ZFP37: variants seen among roughly 807,000 people sequenced by gnomAD.
The protein encoded by ZFP37 is zinc finger protein 37 homolog.
In ZFP37, 38 loss-of-function variants were observed where a neutral mutation model predicts 52.1. That is an observed-to-expected ratio of 0.73 (90% CI 0.56 to 0.96). The LOEUF is 0.96. ZFP37 is among the 40% of genes least tolerant of loss of function. The pLI is 0.00. For missense variants in ZFP37, 695 were observed against 741.4 expected (o/e 0.94, Z 0.73); for synonymous variants, 253 against 259.5 (o/e 0.98, Z 0.24).
chr9:113,049,715 G>A, intron 2 of ZFP37, 76 bp downstream of exon 2: 2 of 1,561,148 alleles, frequency 1.3e-6, no homozygotes, highest in Non-Finnish European at 1.7e-6. Flanking sequence ...CAAAAATGAA[G>A]GCCAAACTTA....
In ZFP37 at chr9:113,042,916, T is replaced by C. The variant is rs771798790; in HGVS notation, c.1702A>G (p.Thr568Ala). The C allele has an allele frequency of 6.2e-7, 1 of 1,613,950 alleles. No individual in the cohort carries two copies. Among genetic ancestry groups the C allele is most frequent in the Non-Finnish European group, 8.5e-7 (1 of 1,179,936 alleles). The change falls in exon 4 of 4, where the codon ACT becomes GCT. Residue 568 changes from threonine (T) to alanine (A), a missense_variant. This residue lies in a region of ZFP37 where 326 missense variants were observed against 400.5 expected (regional missense o/e 0.81). Coordinates refer to ENST00000374227, the MANE Select transcript of ZFP37 (RefSeq NM_003408.3). ...TTACATTCATAAGGTTTCTCCCCAG[T>C]ATGAGTTCTCTGATGTACAATGAGG... ...SHLIVHQRTHTGEKPYECNEC... is the reference protein window; with the variant it reads ...SHLIVHQRTHAGEKPYECNEC...
rs768837210 is a variant in ZFP37 at position 113,049,420 on chromosome 9, T to C, written c.291A>G (p.Arg97=). ...TTTTACTTGGACAACCTTGACTGGG[T>C]CTTTTCCCCTTCCCCAACCATGGTG... The part of the protein sequence containing the change: ...GEAPWLGKGK[R]PSQGCPSKIA... Residue 97 remains arginine, a synonymous_variant, in exon 3 of 4, where the codon AGA becomes AGG. Transcript: ENST00000374227. 12 of 1,614,048 alleles carry C rather than the reference T, an allele frequency of 7.4e-6. No homozygotes were observed. Among genetic ancestry groups the C allele is most frequent in the Admixed American group, 1.7e-5 (1 of 59,996 alleles).
chr9:113,053,740 CAT>C (rs1318386074), intron 1 of ZFP37, among the ~76,000 whole-genome samples: 2 of 152,194 alleles, frequency 1.3e-5, no homozygotes, highest in African/African-American at 2.4e-5. Flanking sequence ...TTTCCAAACT[CAT>C]ATACAATATA....
chr9:113,051,764 T>A (rs1489868668), intron 1 of ZFP37, among the ~76,000 whole-genome samples: 1 of 152,126 alleles, frequency 6.6e-6, no homozygotes, highest in Non-Finnish European at 1.5e-5. Flanking sequence ...CAGACCACCA[T>A]TCAATTACCT....
rs1828880075 is a variant in ZFP37, at chr9:113,043,106, A to G, written c.1512T>C (p.Leu504=). 1 of 1,613,622 alleles carries G rather than the reference A, an allele frequency of 6.2e-7. No homozygotes were observed. Among genetic ancestry groups the G allele is most frequent in the Non-Finnish European group, 8.5e-7 (1 of 1,179,968 alleles). The change falls in exon 4 of 4, where the codon CTT becomes CTC. Residue 504 remains leucine, a synonymous_variant. Transcript: ENST00000374227. ...CGKAFGHSSS[L]TYHMRTHTGE... ...CTGTATGAGTTCTCATATGGTAAGT[A>G]AGAGATGAGCTATGTCCAAAGGCTT...
chr9:113,043,735 A>G lies in ZFP37; in HGVS notation c.883T>C (p.Cys295Arg). The G allele has an allele frequency of 6.2e-7, 1 of 1,613,988 alleles. No individual in the cohort carries two copies. The highest frequency in any genetic ancestry group is 8.5e-7 in the Non-Finnish European group (1 of 1,179,960). The part of the protein sequence containing the change: ...KPQACVKPYE[C>R]NQCGKVLSHK... ...CTGAGAACCTTTCCACATTGATTAC[A>G]TTCATAGGGTTTCACACAAGCTTGA... is the stretch of plus-strand genomic sequence containing the variant. The change falls in exon 4 of 4, where the codon TGT (cysteine) becomes CGT (arginine). Residue 295 changes from cysteine to arginine, a missense_variant. By Grantham distance (180) the Cys-to-Arg change is radical. Around this residue, in one of 2 missense-constraint regions of ZFP37, gnomAD observed 369 missense variants for 340.9 expected, o/e 1.08. Coordinates refer to ENST00000374227, the MANE Select transcript of ZFP37 (RefSeq NM_003408.3).
rs1167159344 is a variant in ZFP37, at chr9:113,044,103, T to C, written c.515A>G (p.Lys172Arg). ...NLHKKHVPSK[K>R]RLLKFESCGK... Reference sequence around the variant, plus strand: ...ACATGACTCAAATTTAAGAAGCCTTTTCTTTGAAGGAACATGTTTTTTATG... The same window carrying C: ...ACATGACTCAAATTTAAGAAGCCTTCTCTTTGAAGGAACATGTTTTTTATG... Residue 172 changes from lysine (K) to arginine (R), a missense_variant, in exon 4 of 4, where the codon AAA becomes AGA. Transcript: ENST00000374227. 6.2e-7 allele frequency: 1 copy of C among 1,611,456 alleles called. No homozygotes were observed. The highest frequency in any genetic ancestry group is 1.3e-5 in the African/African-American group (1 of 74,762).
chr9:113,044,458 G>A (rs1020296812), intron 3 of ZFP37, among the ~76,000 whole-genome samples, 190 bp from the exon 4 acceptor site: 1 of 152,164 alleles, frequency 6.6e-6, no homozygotes, highest in Non-Finnish European at 1.5e-5. Context: ...TGGGAAAAGT[G>A]ACAATAGTGA....
At chr9:113,044,370 T>A (rs376746922) in intron 3 of ZFP37, 102 bp from the exon 4 acceptor site, 6 of 1,066,152 alleles carry the variant, frequency 5.6e-6, no homozygotes, top group African/African-American at 3.2e-5. Context: ...AAATTTTTAT[T>A]CAAGCCTGGT....
Position 113,042,977 on chromosome 9 carries a change from A to G in ZFP37, c.1641T>C (p.Cys547=), listed in dbSNP as rs1828875390. The change falls in exon 4 of 4, where the codon TGT becomes TGC. Residue 547 remains cysteine (C), a synonymous_variant. Coordinates refer to ENST00000374227, the MANE Select transcript of ZFP37 (RefSeq NM_003408.3). ...GGCTAAAGGCTTTCCCACATTCATT[A>G]CACTCATACGGTTTCTCTCCAGTAT... ...RVHTGEKPYE[C]NECGKAFSQK... 1 of 1,613,818 alleles carries G rather than the reference A, an allele frequency of 6.2e-7. No homozygotes were observed. The highest frequency in any genetic ancestry group is 1.7e-5 in the Admixed American group (1 of 59,982).
rs935980051 is a variant in ZFP37, at chr9:113,052,984, C to T, written c.133-3112G>A. ...CAGCTAAATTCCTGCCATAATGCTGCACTACCTCCGTATCAACGTGGAAGA... is the reference window on the plus strand; with the variant it reads ...CAGCTAAATTCCTGCCATAATGCTGTACTACCTCCGTATCAACGTGGAAGA... On this transcript the variant is annotated intron_variant, in intron 1 of 3. Transcript: ENST00000374227. This position sits in a 1 kb window ranked among gnomAD's most constrained non-coding sequence, Gnocchi z 4.1. Among the ~76,000 whole-genome samples, 4 of 152,218 alleles carry T rather than the reference C, an allele frequency of 2.6e-5. No homozygotes were observed. Among genetic ancestry groups the T allele is most frequent in the African/African-American group, 7.2e-5 (3 of 41,448 alleles).
Position 113,041,040 on chromosome 9 carries a change from T to G in ZFP37, c.*1685A>C, listed in dbSNP as rs557932675. 1.7e-4 allele frequency: 26 copies of G among 152,180 alleles called. No homozygotes were observed. The highest frequency in any genetic ancestry group is 6.3e-4 in the African/African-American group (26 of 41,522). The allele number at this position is 152,180 out of a possible 1,614,324, so 9.4% of individuals were successfully genotyped here. A position where few individuals can be genotyped will look rare whatever the true frequency, so the allele number is the denominator to read the frequency against. On this transcript the variant is annotated 3_prime_UTR_variant, in exon 4 of 4. Transcript: ENST00000374227. Reference sequence around the variant, plus strand: ...CCTCCATCTCCTGGGTGCAAGCAACTCTCTTGCCTCAGCCTCCTGAGTGGC... The same window carrying G: ...CCTCCATCTCCTGGGTGCAAGCAACGCTCTTGCCTCAGCCTCCTGAGTGGC...
In ZFP37 at chr9:113,042,478, C is replaced by T; in HGVS notation, c.*247G>A. The stretch of plus-strand genomic sequence containing the variant: ...TCACAATTTTTAAAGCTTTCAATTT[C>T]AATCTGAACATGTAGATCATTTATA... On this transcript the variant is annotated 3_prime_UTR_variant, in exon 4 of 4. Transcript: ENST00000374227. 1 of 340,026 alleles carries T rather than the reference C, an allele frequency of 2.9e-6. No homozygotes were observed. The highest frequency in any genetic ancestry group is 5.3e-6 in the Non-Finnish European group (1 of 189,796). The allele number at this position is 340,026 out of a possible 1,614,324, so 21.1% of individuals were successfully genotyped here. A position where few individuals can be genotyped will look rare whatever the true frequency, so the allele number is the denominator to read the frequency against.
chr9:113,043,991 C>A lies in ZFP37; in HGVS notation c.627G>T (p.Lys209Asn). 6.2e-7 allele frequency: 1 copy of A among 1,613,982 alleles called. No homozygotes were observed. Among genetic ancestry groups the A allele is most frequent in the Non-Finnish European group, 8.5e-7 (1 of 1,179,948 alleles). The change falls in exon 4 of 4, where the codon AAG becomes AAT. Residue 209 changes from lysine to asparagine, a missense_variant. Lys to Asn is a moderately conservative substitution (Grantham distance 94). Transcript: ENST00000374227. ...KRKSDAAKEH[K>N]KSFNHSLSDT... ...CAGATAAGCTATGGTTGAATGACTTCTTGTGTTCTTTAGCTGCATCAGATT... is the reference window on the plus strand; with the variant it reads ...CAGATAAGCTATGGTTGAATGACTTATTGTGTTCTTTAGCTGCATCAGATT...
Position 113,039,735 on chromosome 9 carries a change from C to T in ZFP37, c.*2990G>A, listed in dbSNP as rs920939757. On this transcript the variant is annotated 3_prime_UTR_variant, in exon 4 of 4. Transcript: ENST00000374227. ...GCTGTATCTCAGGCACTTAGATGAT[C>T]ATATCACTTGAATAAATAAATGTTT... 3 of 152,100 alleles carry T rather than the reference C, an allele frequency of 2.0e-5. No homozygotes were observed. The highest frequency in any genetic ancestry group is 1.3e-4 in the Admixed American group (2 of 15,254). The allele number at this position is 152,100 out of a possible 1,614,324, so 9.4% of individuals were successfully genotyped here. A position where few individuals can be genotyped will look rare whatever the true frequency, so the allele number is the denominator to read the frequency against.
chr9:113,044,342 A>G, intron 3 of ZFP37, 74 bp from the exon 4 acceptor site: 1 of 1,391,094 alleles, frequency 7.2e-7, no homozygotes, highest in Non-Finnish European at 9.6e-7. Flanking sequence ...TGGTAAAGAA[A>G]TGACCTGTTG....
chr9:113,054,594 C>T (rs1829110093), intron 1 of ZFP37, among the ~76,000 whole-genome samples: 1 of 152,118 alleles, frequency 6.6e-6, no homozygotes, highest in African/African-American at 2.4e-5. Context: ...CTGACATCAC[C>T]CCAGATCCCA....
rs1262566097 is a variant in ZFP37 at position 113,041,790 on chromosome 9, G to T, written c.*935C>A. On this transcript the variant is annotated 3_prime_UTR_variant, in exon 4 of 4. Transcript: ENST00000374227. ...TGTTGATCTCACATGTTGTGGAGGGGCTCAGTGACAACCTTAAATAATGTT... is the reference window on the plus strand; with the variant it reads ...TGTTGATCTCACATGTTGTGGAGGGTCTCAGTGACAACCTTAAATAATGTT... 1 of 152,044 alleles carries T rather than the reference G, an allele frequency of 6.6e-6. No homozygotes were observed. The highest frequency in any genetic ancestry group is 1.5e-5 in the Non-Finnish European group (1 of 68,012). The allele number at this position is 152,044 out of a possible 1,614,324, so 9.4% of individuals were successfully genotyped here.
chr9:113,048,976 A>G (rs1195557929), intron 3 of ZFP37, among the ~76,000 whole-genome samples: 1 of 152,174 alleles, frequency 6.6e-6, no homozygotes, highest in Non-Finnish European at 1.5e-5. Flanking sequence ...TCCCCAAATA[A>G]AGATAATATG....
Sources: allele counts gnomAD v4.1 joint callset (sites outside exome capture counted in the v4.1 genomes callset), GRCh38; gene constraint gnomAD v4.1.1; regional missense constraint gnomAD v4.1.1; non-coding constraint Gnocchi (gnomAD v3.1); transcripts MANE v1.5; gene names NCBI Gene and HGNC (gene_info 2026-07-23, HGNC 2026-07-21).